ARSJ: variants seen among roughly 807,000 people sequenced by gnomAD.
The protein encoded by ARSJ is arylsulfatase family member J.
A neutral mutation model predicts 35.9 loss-of-function variants in ARSJ; 26 were observed. The ratio of observed to expected loss-of-function variants is 0.72; its 90% CI spans 0.53 to 1.00. ARSJ has a LOEUF of 1.00. Ranked by LOEUF, ARSJ falls within the 50% of genes least tolerant of loss-of-function variation. The pLI is 0.00. For synonymous variants in ARSJ, 294 were observed against 267.6 expected (o/e 1.10, Z -0.96); for missense variants, 667 against 723.6 (o/e 0.92, Z 0.90).
intron 1 of ARSJ, among the ~76,000 whole-genome samples, chr4:113,949,684 T>G (rs1221015799): frequency 1.3e-5 from 2 of 152,096 alleles, no homozygotes; most frequent in African/African-American, 4.8e-5. Context: ...TGCCAGTCTC[T>G]GTACTAAGGA....
At chr4:113,909,478 G>T (rs573074251) in intron 1 of ARSJ, among the ~76,000 whole-genome samples, 5 of 152,258 alleles carry the variant, frequency 3.3e-5, no homozygotes, top group Admixed American at 1.3e-4. Context: ...ATCCCCACAT[G>T]TCGTGAGAGG....
chr4:113,918,729 T>C (rs1347807177), intron 1 of ARSJ, among the ~76,000 whole-genome samples: 1 of 152,180 alleles, frequency 6.6e-6, no homozygotes, highest in African/African-American at 2.4e-5. Flanking sequence ...AAAAAGAATA[T>C]GAGATTTGGA....
At chr4:113,912,243 G>A (rs1196957006) in intron 1 of ARSJ, among the ~76,000 whole-genome samples, 3 of 152,202 alleles carry the variant, frequency 2.0e-5, no homozygotes, top group Admixed American at 2.0e-4. Context: ...CATTAAAAGA[G>A]TCTGAGGTAA....
At chr4:113,922,858 T>C (rs1421617960) in intron 1 of ARSJ, among the ~76,000 whole-genome samples, 4 of 152,158 alleles carry the variant, frequency 2.6e-5, no homozygotes, top group Non-Finnish European at 5.9e-5. Context: ...AAGTTTAATT[T>C]TATATGTCAA....
chr4:113,971,417 T>C (rs919533608), intron 1 of ARSJ, among the ~76,000 whole-genome samples: 3 of 152,222 alleles, frequency 2.0e-5, no homozygotes, highest in Admixed American at 6.5e-5. Context: ...TAAATAGGAA[T>C]TCACTTCAAT....
chr4:113,922,140 T>C (rs1412059000), intron 1 of ARSJ, among the ~76,000 whole-genome samples: 1 of 152,146 alleles, frequency 6.6e-6, no homozygotes, highest in African/African-American at 2.4e-5. Flanking sequence ...TATCTCTGTC[T>C]CTAATTCTCT....
chr4:113,901,118 A>AT lies in ARSJ; in HGVS notation c.*1155dup, dbSNP rs2099666912. On this transcript the variant is annotated 3_prime_UTR_variant, in exon 2 of 2. Coordinates refer to ENST00000315366, the MANE Select transcript of ARSJ (RefSeq NM_024590.4). ...CAATTGCCTATTAGTAAAGATTTTTATTTTTTAGGACCAATGATACAATTT... is the reference window on the plus strand; with the variant it reads ...CAATTGCCTATTAGTAAAGATTTTTATTTTTTTAGGACCAATGATACAATTT... The AT allele has an allele frequency of 6.6e-6, 1 of 152,122 alleles. No individual in the cohort carries two copies. The highest frequency in any genetic ancestry group is 6.6e-5 in the Admixed American group (1 of 15,258). 9.4% of individuals were successfully genotyped at this position (152,122 alleles called of 1,614,324 possible). A position where few individuals can be genotyped will look rare whatever the true frequency, so the allele number is the denominator to read the frequency against.
chr4:113,952,600 G>A (rs113100811), intron 1 of ARSJ, among the ~76,000 whole-genome samples: 1 of 152,044 alleles, frequency 6.6e-6, no homozygotes, highest in Non-Finnish European at 1.5e-5. Context: ...AAGGTTAAAC[G>A]CTTGGGTGAG....
At chr4:113,940,343 C>G (rs182549204) in intron 1 of ARSJ, among the ~76,000 whole-genome samples, 211 of 152,134 alleles carry the variant, frequency 1.4e-3, no homozygotes, top group African/African-American at 4.9e-3. Flanking sequence ...TTTGCAGGGA[C>G]ATGGATGGAG....
chr4:113,969,404 T>G (rs1252732739), intron 1 of ARSJ, among the ~76,000 whole-genome samples: 4 of 152,166 alleles, frequency 2.6e-5, no homozygotes, highest in African/African-American at 9.7e-5. Flanking sequence ...ATGAGAGCTA[T>G]GACTATACTT....
At chr4:113,938,698 T>C (rs1724925483) in intron 1 of ARSJ, among the ~76,000 whole-genome samples, 1 of 151,402 alleles carries the variant, frequency 6.6e-6, no homozygotes. Context: ...ATCCAGAATA[T>C]ACAAAGAATT....
At chr4:113,956,012 T>G (rs1042514508) in intron 1 of ARSJ, among the ~76,000 whole-genome samples, 5 of 152,068 alleles carry the variant, frequency 3.3e-5, no homozygotes, top group African/African-American at 1.2e-4. Context: ...TAAAAACTGT[T>G]ATTTGGTTAA....
At chr4:113,925,329 T>G (rs1723985145) in intron 1 of ARSJ, among the ~76,000 whole-genome samples, 1 of 151,794 alleles carries the variant, frequency 6.6e-6, no homozygotes, top group Admixed American at 6.6e-5. Flanking sequence ...GAGCAAAAAT[T>G]TTGCTAGTGG....
At chr4:113,922,580 T>G (rs1477880291) in intron 1 of ARSJ, among the ~76,000 whole-genome samples, 2 of 152,150 alleles carry the variant, frequency 1.3e-5, no homozygotes, top group Non-Finnish European at 2.9e-5. Context: ...AATGACAATA[T>G]TTACAGCTGT....
chr4:113,903,120 G>T lies in ARSJ; in HGVS notation c.954C>A (p.Asn318Lys). 2 of 1,614,182 alleles carry T rather than the reference G, an allele frequency of 1.2e-6. No individual in the cohort carries two copies. The highest frequency in any genetic ancestry group is 1.7e-6 in the Non-Finnish European group (2 of 1,180,028). Residue 318 changes from asparagine to lysine, a missense_variant, in exon 2 of 2, where the codon AAC becomes AAA. Transcript: ENST00000315366. ...TLALKTYGFYNNSIIIYSSDN... is the reference protein window; with the variant it reads ...TLALKTYGFYKNSIIIYSSDN... Reference sequence around the variant, plus strand: ...CTGAAGAGTAAATGATAATGCTGTTGTTATAGAAACCATAAGTCTTTAGAG... The same window carrying T: ...CTGAAGAGTAAATGATAATGCTGTTTTTATAGAAACCATAAGTCTTTAGAG...
chr4:113,942,431 C>T (rs1272666753), intron 1 of ARSJ, among the ~76,000 whole-genome samples: 1 of 152,020 alleles, frequency 6.6e-6, no homozygotes, highest in Non-Finnish European at 1.5e-5. Flanking sequence ...CAACCTTTCA[C>T]AAACTCAAGT....
intron 1 of ARSJ, among the ~76,000 whole-genome samples, chr4:113,954,928 T>G (rs1594486036): frequency 6.6e-6 from 1 of 152,040 alleles, no homozygotes; most frequent in South Asian, 2.1e-4. Context: ...TTTGGTTTGG[T>G]TCCTTCTGTC....
Position 113,903,334 on chromosome 4 carries a change from T to C in ARSJ, c.740A>G (p.Gln247Arg), listed in dbSNP as rs1196790941. Residue 247 changes from glutamine to arginine, a missense_variant, in exon 2 of 2, where the codon CAG (glutamine) becomes CGG (arginine). By Grantham distance (43) the Gln-to-Arg change is conservative. Coordinates refer to ENST00000315366, the MANE Select transcript of ARSJ (RefSeq NM_024590.4). ...YSTQMYTQRV[Q>R]QILASHNPTK... ...GGGGTTATGGGAAGCTAAGATTTGC[T>C]GTACTCTCTGAGTGTACATCTGTGT... 5 of 1,614,110 alleles carry C rather than the reference T, an allele frequency of 3.1e-6. No homozygotes were observed. The highest frequency in any genetic ancestry group is 3.4e-6 in the Non-Finnish European group (4 of 1,180,044).
chr4:113,903,680 A>T lies in ARSJ; in HGVS notation c.399-5T>A. ...AGTCCGGTGTGTATCTGATACCTTA[A>T]GAAAAGAGAAAAAAATTGTTATCAG... On this transcript the variant is annotated splice_region_variant and splice_polypyrimidine_tract_variant and intron_variant, in intron 1 of 1. Transcript: ENST00000315366. The T allele has an allele frequency of 6.3e-7, 1 of 1,588,878 alleles. No homozygotes were observed.
Sources: gnomAD v4.1 joint callset for allele counts (sites outside exome capture counted in the v4.1 genomes callset) on GRCh38, gnomAD v4.1.1 for gene constraint, MANE v1.5 for transcripts, NCBI Gene and HGNC (gene_info 2026-07-23, HGNC 2026-07-21) for gene names.